The following GPC6 variants were observed in gnomAD, a reference collection of about 807,000 sequenced individuals.
GPC6 encodes glypican-6.
GPC6 carries 14 observed loss-of-function variants against 55.2 expected under a neutral mutation model. The ratio of observed to expected loss-of-function variants is 0.25; its 90% CI spans 0.17 to 0.40. GPC6 has a LOEUF of 0.40. Among genes scored for constraint, GPC6 ranks in the 10% least tolerant of loss-of-function variants. GPC6 has a pLI of 1.00. For missense variants in GPC6, 641 were observed against 708.5 expected (o/e 0.90, Z 1.08); for synonymous variants, 278 against 259.6 (o/e 1.07, Z -0.68).
chr13:93,464,952 G>A (rs747181568), intron 1 of GPC6, among the ~76,000 whole-genome samples: 1 of 152,168 alleles, frequency 6.6e-6, no homozygotes, highest in Admixed American at 6.5e-5. Context: ...AAAACAACAT[G>A]TACCTCTCTG....
intron 2 of GPC6, among the ~76,000 whole-genome samples, chr13:93,617,026 C>G (rs1381799350): frequency 6.6e-6 from 1 of 151,936 alleles, no homozygotes; most frequent in Non-Finnish European, 1.5e-5. Flanking sequence ...TTGTAATAAT[C>G]TTAGGTTCAG....
chr13:94,272,913 G>A lies in GPC6; in HGVS notation c.878-13436G>A, dbSNP rs114486605. Among the ~76,000 whole-genome samples the A allele has an allele frequency of 5.0e-3, 768 of 152,112 alleles. 6 individuals are homozygous for A. The highest frequency in any genetic ancestry group is 0.018 in the African/African-American group (741 of 41,500). Reference sequence around the variant, plus strand: ...GCCCAGCCACATCACCAGGCTCCTCGTGTCCCTGGAACTCAGTGACCTTCT... The same window carrying A: ...GCCCAGCCACATCACCAGGCTCCTCATGTCCCTGGAACTCAGTGACCTTCT... On this transcript the variant is annotated intron_variant, in intron 4 of 8. Coordinates refer to ENST00000377047, the MANE Select transcript of GPC6 (RefSeq NM_005708.5).
chr13:94,301,537 T>C (rs375357147), intron 5 of GPC6, among the ~76,000 whole-genome samples: 1 of 152,238 alleles, frequency 6.6e-6, no homozygotes, highest in East Asian at 1.9e-4. Flanking sequence ...ATGATAAAAT[T>C]AACTATCAGG....
chr13:93,909,152 A>C (rs1876829789), intron 3 of GPC6, among the ~76,000 whole-genome samples: 2 of 152,186 alleles, frequency 1.3e-5, no homozygotes, highest in African/African-American at 2.4e-5. Flanking sequence ...CTTCCAAATA[A>C]ATGAGTGATA....
chr13:93,805,585 G>A (rs2138943908), intron 2 of GPC6, among the ~76,000 whole-genome samples: 1 of 152,302 alleles, frequency 6.6e-6, no homozygotes, highest in African/African-American at 2.4e-5. Context: ...TGCATGGGTA[G>A]TTATATGGCG....
intron 3 of GPC6, among the ~76,000 whole-genome samples, chr13:94,007,282 T>C (rs1169652518): frequency 6.6e-6 from 1 of 152,220 alleles, no homozygotes; most frequent in Non-Finnish European, 1.5e-5. Flanking sequence ...AACACATATT[T>C]ATTTATCCCT....
intron 1 of GPC6, among the ~76,000 whole-genome samples, chr13:93,500,873 A>G (rs1331101311): frequency 6.6e-6 from 1 of 152,196 alleles, no homozygotes; most frequent in Non-Finnish European, 1.5e-5. Context: ...AGCCTTGTAC[A>G]ACATGTCACA....
chr13:93,736,974 T>TA (rs1884026950), intron 2 of GPC6, among the ~76,000 whole-genome samples: 1 of 152,222 alleles, frequency 6.6e-6, no homozygotes, highest in African/African-American at 2.4e-5. Flanking sequence ...AAAATAAAGA[T>TA]AAAAGGCATG....
chr13:93,552,148 C>A (rs2139443336), intron 2 of GPC6, among the ~76,000 whole-genome samples: 1 of 152,284 alleles, frequency 6.6e-6, no homozygotes, highest in African/African-American at 2.4e-5. Context: ...CTGAAGGACA[C>A]TCTTCTTGAA....
At chr13:93,790,044 A>G (rs564087857) in intron 2 of GPC6, among the ~76,000 whole-genome samples, 23 of 152,306 alleles carry the variant, frequency 1.5e-4, no homozygotes, top group Non-Finnish European at 3.1e-4. Context: ...GGCAACATGT[A>G]TGATGCCATC....
At chr13:93,761,249 A>G (rs1375235877) in intron 2 of GPC6, among the ~76,000 whole-genome samples, 3 of 152,176 alleles carry the variant, frequency 2.0e-5, no homozygotes, top group Non-Finnish European at 1.5e-5. Flanking sequence ...AAGCAGTTTA[A>G]TTTTCTTTTA....
intron 1 of GPC6, among the ~76,000 whole-genome samples, chr13:93,360,640 G>A (rs1881011446): frequency 6.6e-6 from 1 of 152,306 alleles, no homozygotes; most frequent in African/African-American, 2.4e-5. Flanking sequence ...TATAATTGAT[G>A]TGTTTACTTT....
At chr13:93,397,708 T>G (rs942756308) in intron 1 of GPC6, among the ~76,000 whole-genome samples, 7 of 151,932 alleles carry the variant, frequency 4.6e-5, no homozygotes, top group Non-Finnish European at 1.0e-4. Flanking sequence ...CAGCCTAGAG[T>G]TGTCTGGTTT....
At chr13:93,844,354 G>A (rs918317973) in intron 3 of GPC6, among the ~76,000 whole-genome samples, 4 of 152,102 alleles carry the variant, frequency 2.6e-5, no homozygotes, top group African/African-American at 9.7e-5. Flanking sequence ...GGCCAGGATG[G>A]TCTCGATCTC....
At chr13:94,213,036 A>G (rs568327294) in intron 4 of GPC6, among the ~76,000 whole-genome samples, 1 of 152,234 alleles carries the variant, frequency 6.6e-6, no homozygotes, top group East Asian at 1.9e-4. Context: ...GGTGCCTGTA[A>G]TCCCAGCTAC....
At chr13:93,964,339 C>A (rs932623935) in intron 3 of GPC6, among the ~76,000 whole-genome samples, 1 of 151,926 alleles carries the variant, frequency 6.6e-6, no homozygotes, top group Admixed American at 6.6e-5. Flanking sequence ...TGATATCATG[C>A]ATTAGTTTAA....
rs1298921469 is a variant in GPC6 at position 94,349,765 on chromosome 13, ATAAG to A, written c.1153-32645_1153-32642del. ...CTCATCCAAGAAAGCTTCCTCTGCC[ATAAG>A]TAACCACTTCCATGGCATTTCCTTT... is the stretch of plus-strand genomic sequence containing the variant. On this transcript the variant is annotated intron_variant, in intron 6 of 8. Transcript: ENST00000377047. 5.9e-5 allele frequency among the ~76,000 whole-genome samples: 9 copies of A among 152,326 alleles called. No individual in the cohort carries two copies. In the East Asian group the frequency reaches 1.7e-3, roughly 29 times the overall value.
chr13:93,720,457 C>G (rs1463132436), intron 2 of GPC6, among the ~76,000 whole-genome samples: 1 of 152,012 alleles, frequency 6.6e-6, no homozygotes, highest in Non-Finnish European at 1.5e-5. Flanking sequence ...ATTCTTCTCT[C>G]TTTTCTTCTT....
chr13:94,210,488 G>C (rs140076633), intron 4 of GPC6, among the ~76,000 whole-genome samples: 10 of 152,184 alleles, frequency 6.6e-5, no homozygotes, highest in African/African-American at 2.2e-4. Flanking sequence ...CTGTTCCTCA[G>C]CACTGCCCAT....
Sources: gnomAD v4.1 joint callset for allele counts (sites outside exome capture counted in the v4.1 genomes callset) on GRCh38, gnomAD v4.1.1 for gene constraint, MANE v1.5 for transcripts, NCBI Gene and HGNC (gene_info 2026-07-23, HGNC 2026-07-21) for gene names.